Variants in ETV1 observed in about 807,000 individuals in gnomAD.
The protein encoded by ETV1 is ETS translocation variant 1.
ETV1 carries 27 observed loss-of-function variants against 62.3 expected under a neutral mutation model. That is an observed-to-expected ratio of 0.43 (90% CI 0.32 to 0.60). The LOEUF is 0.60. Among genes scored for constraint, ETV1 ranks in the 20% least tolerant of loss-of-function variants. ETV1 has a pLI of 0.06. For missense variants in ETV1, 605 were observed against 605.8 expected, an observed-to-expected ratio of 1.00 and a Z score of 0.01; for synonymous variants, 222 against 199.6, an observed-to-expected ratio of 1.11 and a Z score of -0.94.
intron 5 of ETV1, among the ~76,000 whole-genome samples, chr7:13,980,916 A>C (rs1781916415): frequency 6.6e-6 from 1 of 151,972 alleles, no homozygotes; most frequent in Non-Finnish European, 1.5e-5. Flanking sequence ...CTTAACTAAT[A>C]TTGCCTTAGA....
At chr7:13,975,283 A>C (rs1255149272) in intron 6 of ETV1, among the ~76,000 whole-genome samples, 1 of 152,096 alleles carries the variant, frequency 6.6e-6, no homozygotes, top group Non-Finnish European at 1.5e-5. Flanking sequence ...AAAGGGGCTC[A>C]CACCTGTGAT....
In ETV1 at chr7:13,935,755, G is replaced by C. The variant is rs766913349; in HGVS notation, c.507C>G (p.Leu169=). ...TATCTGGTATGGACTGCGATGGAGG[G>C]AGGTGAGCTGGGAAGGCCCGGTCAG... is the stretch of plus-strand genomic sequence containing the variant. The part of the protein sequence containing the change: ...PKPDRAFPAH[L]PPSQSIPDSS... Residue 169 remains leucine (L), a synonymous_variant, in exon 8 of 14, where the codon CTC becomes CTG. Coordinates refer to ENST00000430479, the MANE Select transcript of ETV1 (RefSeq NM_004956.5). The C allele has an allele frequency of 6.2e-7, 1 of 1,613,880 alleles. No homozygotes were observed. The highest frequency in any genetic ancestry group is 2.2e-5 in the East Asian group (1 of 44,856).
intron 8 of ETV1, 88 bp from the exon 9 acceptor site, chr7:13,931,837 C>T (rs961951498): frequency 8.7e-6 from 13 of 1,487,622 alleles, no homozygotes; most frequent in South Asian, 2.6e-5. Flanking sequence ...TCTTAGTGAA[C>T]GAACATGATA....
intron 6 of ETV1, among the ~76,000 whole-genome samples, chr7:13,945,841 A>G (rs62454583): frequency 6.6e-6 from 1 of 152,182 alleles, no homozygotes. Flanking sequence ...ACCTTCCCAC[A>G]TGGAGTTGGT....
intron 9 of ETV1, among the ~76,000 whole-genome samples, chr7:13,929,001 GC>G (rs1156390856): frequency 3.3e-5 from 5 of 152,144 alleles, no homozygotes; most frequent in Non-Finnish European, 1.5e-5. Context: ...TATTTTAAGT[GC>G]TATGCTATAC....
intron 6 of ETV1, among the ~76,000 whole-genome samples, chr7:13,968,938 G>A (rs1212748622): frequency 6.6e-6 from 1 of 152,102 alleles, no homozygotes; most frequent in African/African-American, 2.4e-5. Context: ...AAGATGGAGA[G>A]TACTTTTCAT....
At chr7:13,903,386 C>G (rs1782633307) in intron 12 of ETV1, among the ~76,000 whole-genome samples, 1 of 152,130 alleles carries the variant, frequency 6.6e-6, no homozygotes, top group Non-Finnish European at 1.5e-5. Context: ...TATCAGACTT[C>G]CTGGTAACTC....
At chr7:13,956,328 T>A (rs1789457625) in intron 6 of ETV1, among the ~76,000 whole-genome samples, 2 of 152,112 alleles carry the variant, frequency 1.3e-5, no homozygotes, top group African/African-American at 2.4e-5. Flanking sequence ...AGGATTTTTT[T>A]TTTTATCGGC....
chr7:13,909,539 TTTAAG>T, intron 11 of ETV1, 88 bp downstream of exon 11: 1 of 909,370 alleles, frequency 1.1e-6, no homozygotes, highest in East Asian at 2.4e-5. Context: ...CATAGGAATC[TTTAAG>T]TAGGGATGTC....
intron 3 of ETV1, 173 bp downstream of exon 3, chr7:13,988,834 GT>G: frequency 5.0e-6 from 8 of 1,598,180 alleles, no homozygotes; most frequent in Non-Finnish European, 6.0e-6. Context: ...TCACTGAAAG[GT>G]AAGCTCATTT....
intron 8 of ETV1, 128 bp from the exon 9 acceptor site, chr7:13,931,877 A>T: frequency 8.9e-7 from 1 of 1,124,320 alleles, no homozygotes; most frequent in Non-Finnish European, 1.3e-6. Flanking sequence ...AATCTTTAAC[A>T]AGCATTACGT....
At chr7:13,896,418 C>T (rs1273687887) in intron 13 of ETV1, among the ~76,000 whole-genome samples, 3 of 152,098 alleles carry the variant, frequency 2.0e-5, no homozygotes, top group Non-Finnish European at 4.4e-5. Flanking sequence ...TTATTTAATG[C>T]AGGCATTTCA....
chr7:13,924,233 A>G (rs1053557387), intron 9 of ETV1, among the ~76,000 whole-genome samples: 4 of 152,156 alleles, frequency 2.6e-5, no homozygotes, highest in Admixed American at 1.3e-4. Flanking sequence ...CATCAAGGGC[A>G]TTAAGAAAGA....
chr7:13,946,940 C>T (rs530551995), intron 6 of ETV1, among the ~76,000 whole-genome samples: 28 of 152,120 alleles, frequency 1.8e-4, no homozygotes, highest in Non-Finnish European at 3.8e-4. Context: ...AGGTGTGTGC[C>T]ACCATGCTCA....
intron 6 of ETV1, among the ~76,000 whole-genome samples, chr7:13,952,161 G>C (rs1788896209): frequency 6.6e-6 from 1 of 152,212 alleles, no homozygotes; most frequent in South Asian, 2.1e-4. Context: ...TAGGAGTCGA[G>C]TAATCTCTAC....
intron 6 of ETV1, among the ~76,000 whole-genome samples, chr7:13,941,899 AAATAAATAAAGT>A (rs1379176830): frequency 8.0e-6 from 1 of 125,000 alleles, no homozygotes; most frequent in Non-Finnish European, 1.7e-5. Context: ...ATAAATAAAT[AAATAAATAAAGT>A]AAGAAAATTG....
chr7:13,927,258 A>G (rs776370796), intron 9 of ETV1, among the ~76,000 whole-genome samples: 8 of 152,146 alleles, frequency 5.3e-5, no homozygotes, highest in Admixed American at 3.9e-4. Context: ...AGACCAGCCT[A>G]GCCAACATGA....
At chr7:13,921,526 G>T (rs75320485) in intron 9 of ETV1, among the ~76,000 whole-genome samples, 7,204 of 152,212 alleles carry the variant, frequency 0.047, 216 homozygotes, top group East Asian at 0.13. Context: ...GAAAAAAGTT[G>T]CAGTAAACAG....
At chr7:13,934,255 TA>T (rs1414342692) in intron 8 of ETV1, among the ~76,000 whole-genome samples, 2 of 152,204 alleles carry the variant, frequency 1.3e-5, no homozygotes, top group Admixed American at 6.5e-5. Flanking sequence ...AAGCATTTAA[TA>T]ACTACCCCAC....
Sources: allele counts gnomAD v4.1 joint callset (sites outside exome capture counted in the v4.1 genomes callset), GRCh38; gene constraint gnomAD v4.1.1; transcripts MANE v1.5; gene names NCBI Gene and HGNC (gene_info 2026-07-23, HGNC 2026-07-21).